Variants in MARCHF8 observed in about 807,000 individuals in gnomAD.
MARCHF8 encodes the protein membrane associated ring-CH-type finger 8, also known as E3 ubiquitin-protein ligase MARCHF8.
A neutral mutation model predicts 51.6 loss-of-function variants in MARCHF8; 40 were observed. That is an observed-to-expected ratio of 0.77 (90% CI 0.60 to 1.01). The LOEUF (loss-of-function observed/expected upper bound fraction) is 1.01. Among genes scored for constraint, MARCHF8 ranks in the 50% least tolerant of loss-of-function variants. The pLI, the probability that MARCHF8 is intolerant of heterozygous loss-of-function variation, is 0.00. For synonymous variants in MARCHF8, 263 were observed against 280.3 expected, an observed-to-expected ratio of 0.94 and a Z score of 0.62; for missense variants, 685 against 708.6, an observed-to-expected ratio of 0.97 and a Z score of 0.38.
At chr10:45,563,217 C>T (rs1318757076) in intron 1 of MARCHF8, among the ~76,000 whole-genome samples, 1 of 152,188 alleles carries the variant, frequency 6.6e-6, no homozygotes, top group East Asian at 1.9e-4. Context: ...TGTAGAGACA[C>T]TGTCTCACTT....
At chr10:45,585,231 C>A (rs1405691486) in intron 1 of MARCHF8, among the ~76,000 whole-genome samples, 1 of 152,162 alleles carries the variant, frequency 6.6e-6, no homozygotes, top group Non-Finnish European at 1.5e-5. Flanking sequence ...AGCAGCTATA[C>A]ACCTGACCAT....
At chr10:45,465,687 T>C (rs567309565) in intron 3 of MARCHF8, among the ~76,000 whole-genome samples, 31 of 152,334 alleles carry the variant, frequency 2.0e-4, no homozygotes, top group African/African-American at 7.0e-4. Flanking sequence ...AGCACTTTAA[T>C]GCAAGTCCAC....
At chr10:45,533,348 G>T in intron 1 of MARCHF8, 59 bp from the exon 2 acceptor site, 1 of 1,106,384 alleles carries the variant, frequency 9.0e-7, no homozygotes, top group Non-Finnish European at 1.2e-6. Context: ...AAATTTCCAA[G>T]AGTGAGCTTA....
intron 2 of MARCHF8, among the ~76,000 whole-genome samples, chr10:45,510,848 G>A (rs1027741527): frequency 1.3e-5 from 2 of 152,204 alleles, no homozygotes; most frequent in Non-Finnish European, 2.9e-5. Flanking sequence ...CTATGTGGAA[G>A]TGGAAGGAGG....
intron 3 of MARCHF8, among the ~76,000 whole-genome samples, chr10:45,474,775 G>T (rs2042756018): frequency 1.3e-5 from 2 of 152,212 alleles, no homozygotes; most frequent in Admixed American, 6.5e-5. Context: ...GGAGAGGGCA[G>T]TCAGGCAAGG....
At chr10:45,478,534 T>C (rs924714683) in intron 3 of MARCHF8, among the ~76,000 whole-genome samples, 1 of 116,006 alleles carries the variant, frequency 8.6e-6, no homozygotes, top group Non-Finnish European at 1.9e-5. Context: ...AAAGAAATAA[T>C]AAACATTAGA....
Position 45,553,542 on chromosome 10 carries a change from C to A in MARCHF8, c.-78-20253G>T, listed in dbSNP as rs576536929. Among the ~76,000 whole-genome samples, 9 of 152,122 alleles carry A rather than the reference C, an allele frequency of 5.9e-5. No individual in the cohort carries two copies. In the East Asian group the frequency reaches 7.7e-4, roughly 13 times the overall value. The stretch of plus-strand genomic sequence containing the variant: ...TCCCTCTAAAAGACAACAACAACAA[C>A]AAAAAATAAGTATGTATATACAAGG... On this transcript the variant is annotated intron_variant, in intron 1 of 6. Coordinates refer to the MARCHF8 transcript ENST00000319836.
At chr10:45,493,566 T>C (rs2043122061) in intron 2 of MARCHF8, among the ~76,000 whole-genome samples, 1 of 152,212 alleles carries the variant, frequency 6.6e-6, no homozygotes, top group Non-Finnish European at 1.5e-5. Flanking sequence ...TTTTCTCCTT[T>C]AGCCAGTGCT....
intron 1 of MARCHF8, among the ~76,000 whole-genome samples, chr10:45,558,789 G>A (rs1382594472): frequency 2.0e-5 from 3 of 152,234 alleles, no homozygotes; most frequent in African/African-American, 7.2e-5. Flanking sequence ...AATGGGAGCA[G>A]AGGTACAAAG....
At chr10:45,526,052 CACTA>C (rs112268347) in intron 2 of MARCHF8, among the ~76,000 whole-genome samples, 8,464 of 152,100 alleles carry the variant, frequency 0.056, 282 homozygotes, top group Non-Finnish European at 0.066. Flanking sequence ...CATATTAGTT[CACTA>C]ACTATGATGA....
chr10:45,511,429 C>G (rs1009980762), intron 2 of MARCHF8, among the ~76,000 whole-genome samples: 1 of 150,862 alleles, frequency 6.6e-6, no homozygotes, highest in African/African-American at 2.4e-5. Flanking sequence ...CCCTCTCCCT[C>G]TCTTTCCACG....
intron 2 of MARCHF8, among the ~76,000 whole-genome samples, chr10:45,514,441 C>A (rs978892168): frequency 1.3e-5 from 2 of 152,264 alleles, no homozygotes; most frequent in African/African-American, 4.8e-5. Flanking sequence ...GCCTGCACAG[C>A]AGCTGCCACC....
At chr10:45,538,413 G>A (rs1246180339), upstream of MARCHF8, among the ~76,000 whole-genome samples, 1 of 152,094 alleles carries the variant, frequency 6.6e-6, no homozygotes, top group African/African-American at 2.4e-5. Context: ...ATCAACTAAC[G>A]TGCAAAATAA....
In MARCHF8 at chr10:45,459,112, G is replaced by A; in HGVS notation, c.1417+8C>T. On this transcript the variant is annotated splice_region_variant and intron_variant, in intron 7 of 7. Coordinates refer to ENST00000453424, the MANE Select transcript of MARCHF8 (RefSeq NM_001282866.2). Reference sequence around the variant, plus strand: ...CCATGCTGAGCTTGCTCCAGCCTGAGAACTCACCTGTTGCCTGCCCCTGCT... The same window carrying A: ...CCATGCTGAGCTTGCTCCAGCCTGAAAACTCACCTGTTGCCTGCCCCTGCT... 1 of 1,613,906 alleles carries A rather than the reference G, an allele frequency of 6.2e-7. No individual in the cohort carries two copies. Among genetic ancestry groups the A allele is most frequent in the Non-Finnish European group, 8.5e-7 (1 of 1,179,940 alleles).
At chr10:45,469,757 C>T (rs1025860932) in intron 3 of MARCHF8, among the ~76,000 whole-genome samples, 1 of 147,074 alleles carries the variant, frequency 6.8e-6, no homozygotes, top group African/African-American at 2.5e-5. Context: ...CCCAGCTACT[C>T]GGGAGGCTGA....
intron 1 of MARCHF8, among the ~76,000 whole-genome samples, chr10:45,590,238 T>C (rs2044663047): frequency 6.6e-6 from 1 of 152,246 alleles, no homozygotes; most frequent in African/African-American, 2.4e-5. Context: ...TTTCATGTGC[T>C]TACTGGCTAT....
intron 1 of MARCHF8, among the ~76,000 whole-genome samples, chr10:45,590,914 A>G (rs2044673233): frequency 6.6e-6 from 1 of 152,188 alleles, no homozygotes; most frequent in Non-Finnish European, 1.5e-5. Context: ...GAAGATCCAC[A>G]AAAGAAGTGA....
chr10:45,535,069 G>T (rs143667944), intron 1 of MARCHF8, 142 bp downstream of exon 1: 61 of 152,302 alleles, frequency 4.0e-4, no homozygotes, highest in Non-Finnish European at 7.4e-4. Flanking sequence ...TAGAATAGGG[G>T]ATGTTAGTGT....
In MARCHF8 at chr10:45,489,579, T is replaced by C. The variant is rs113460668; in HGVS notation, c.103-162A>G. ...GATGTATGTAGCCAGGCAGTAAATATTGCACATTTGGGCAAAATGAATACA... is the reference window on the plus strand; with the variant it reads ...GATGTATGTAGCCAGGCAGTAAATACTGCACATTTGGGCAAAATGAATACA... On this transcript the variant is annotated intron_variant, in intron 2 of 7. Transcript: ENST00000453424. Among the ~76,000 whole-genome samples the C allele has an allele frequency of 8.5e-5, 13 of 152,274 alleles. 2 individuals carry two copies. The highest frequency in any genetic ancestry group is 3.4e-3 in the Middle Eastern group (1 of 294).
Sources: gnomAD v4.1 joint callset for allele counts (sites outside exome capture counted in the v4.1 genomes callset) on GRCh38, gnomAD v4.1.1 for gene constraint, MANE v1.5 for transcripts, NCBI Gene and HGNC (gene_info 2026-07-23, HGNC 2026-07-21) for gene names.